SERPINB6: variants seen among roughly 807,000 people sequenced by gnomAD.
SERPINB6 encodes serpin B6.
Under a neutral mutation model 26.1 loss-of-function variants are expected in SERPINB6, and 16 were observed. The observed-to-expected ratio is 0.61, with a 90% CI of 0.42 to 0.93. The LOEUF (loss-of-function observed/expected upper bound fraction) is 0.93. SERPINB6 is among the 40% of genes least tolerant of loss of function. SERPINB6 has a pLI of 0.00. For missense variants in SERPINB6, 420 were observed against 478.0 expected (o/e 0.88, Z 1.13); for synonymous variants, 174 against 176.6 (o/e 0.99, Z 0.11).
chr6:2,952,372 T>C (rs1481654313), intron 5 of SERPINB6, among the ~76,000 whole-genome samples: 1 of 152,180 alleles, frequency 6.6e-6, no homozygotes. Context: ...TTGTCTATGT[T>C]CAAAAATTTC....
At chr6:2,965,717 A>G (rs934461283) in intron 1 of SERPINB6, among the ~76,000 whole-genome samples, 23 of 152,240 alleles carry the variant, frequency 1.5e-4, no homozygotes, top group Non-Finnish European at 3.2e-4. Context: ...CACAGATTTA[A>G]TTATTTTATC....
intron 5 of SERPINB6, among the ~76,000 whole-genome samples, chr6:2,952,487 TCA>T (rs1477854927): frequency 6.6e-5 from 10 of 152,276 alleles, no homozygotes; most frequent in African/African-American, 2.4e-4. Context: ...GTGGTTAATC[TCA>T]GTGTCTATCT....
At chr6:2,949,157 G>T in intron 5 of SERPINB6, 88 bp from the exon 6 acceptor site, 1 of 1,439,684 alleles carries the variant, frequency 6.9e-7, no homozygotes. Context: ...CTCTCTGCAG[G>T]GAGAAACGCA....
chr6:2,955,492 T>G (rs763199312), intron 3 of SERPINB6, 32 bp downstream of exon 3: 4 of 1,614,036 alleles, frequency 2.5e-6, no homozygotes, highest in Non-Finnish European at 3.4e-6. Flanking sequence ...CCACCTTTAT[T>G]TCTTTAGTGA....
intron 5 of SERPINB6, among the ~76,000 whole-genome samples, chr6:2,950,969 T>C (rs1421956076): frequency 6.6e-6 from 1 of 152,260 alleles, no homozygotes. Flanking sequence ...ACTCATTTCC[T>C]TGGCCAGCAG....
rs1770451501 is a variant in SERPINB6 at position 2,956,146 on chromosome 6, G to GC, written c.166-477dup. 4 of 166,514 alleles carry GC rather than the reference G, an allele frequency of 2.4e-5. No homozygotes were observed. In the South Asian group the frequency reaches 6.1e-4, roughly 25 times the overall value. The allele number at this position is 166,514 out of a possible 1,614,324, so 10.3% of individuals were successfully genotyped here. ...AAGCCCCTCCCTGTACCCTGTCTGT[G>GC]CTGGCATGAGCTGCAACGCCCTCCA... On this transcript the variant is annotated intron_variant, in intron 2 of 6. Coordinates refer to ENST00000380539, the MANE Select transcript of SERPINB6 (RefSeq NM_004568.6).
intron 1 of SERPINB6, chr6:2,960,846 A>T (rs1443254171): frequency 1.3e-5 from 2 of 152,202 alleles, no homozygotes; most frequent in East Asian, 3.8e-4. Context: ...GAGATGGGAG[A>T]TTATCCTGGA....
At chr6:2,968,731 G>A in intron 1 of SERPINB6, 1 of 1,231,568 alleles carries the variant, frequency 8.1e-7, no homozygotes, top group Non-Finnish European at 1.0e-6. Flanking sequence ...TTGGATGTCA[G>A]TACATAGTTA....
intron 1 of SERPINB6, chr6:2,969,589 A>C: frequency 1.0e-6 from 1 of 985,380 alleles, no homozygotes; most frequent in Non-Finnish European, 1.2e-6. Context: ...AGCAATGTTC[A>C]CAATTGATTT....
intron 5 of SERPINB6, 80 bp downstream of exon 5, chr6:2,952,964 C>T (rs1330979067): frequency 2.5e-6 from 4 of 1,596,722 alleles, no homozygotes; most frequent in Non-Finnish European, 3.4e-6. Context: ...AAAGGCCCCA[C>T]GGCTGCAGAC....
chr6:2,953,205 G>T lies in SERPINB6; in HGVS notation c.431-19C>A. On this transcript the variant is annotated intron_variant, in intron 4 of 6. Coordinates refer to ENST00000380539, the MANE Select transcript of SERPINB6 (RefSeq NM_004568.6). ...ATTTTACCTGAGCGGAAGAATTCAA[G>T]ACCGCATTAGATAGGGGCGGCTGCG... The T allele has an allele frequency of 6.2e-7, 1 of 1,614,112 alleles. No individual in the cohort carries two copies. Among genetic ancestry groups the T allele is most frequent in the Non-Finnish European group, 8.5e-7 (1 of 1,180,026 alleles).
rs1769453610 is a variant in SERPINB6, at chr6:2,948,993, T to A, written c.650A>T (p.Gln217Leu). ...KKTYIGEIFT[Q>L]ILVLPYVGKE... Reference sequence around the variant, plus strand: ...GCCAACATATGGAAGCACCAAGATTTGGGTAAATATTTCTCCTATATAGGT... The same window carrying A: ...GCCAACATATGGAAGCACCAAGATTAGGGTAAATATTTCTCCTATATAGGT... Residue 217 changes from glutamine (Q) to leucine (L), a missense_variant, in exon 6 of 7, where the codon CAA (glutamine) becomes CTA (leucine). Gln to Leu is a moderately radical substitution (Grantham distance 113). Coordinates refer to ENST00000380539, the MANE Select transcript of SERPINB6 (RefSeq NM_004568.6). The surrounding 1 kb of genome is among the most constrained non-coding windows in gnomAD (Gnocchi z 5.0). 6.2e-7 allele frequency: 1 copy of A among 1,614,132 alleles called. No homozygotes were observed. The highest frequency in any genetic ancestry group is 1.1e-5 in the South Asian group (1 of 91,096).
At chr6:2,951,892 C>T (rs574774064) in intron 5 of SERPINB6, among the ~76,000 whole-genome samples, 72 of 152,216 alleles carry the variant, frequency 4.7e-4, no homozygotes, top group Admixed American at 2.7e-3. Context: ...CCCCTCCCCT[C>T]CCTTGTTCCT....
chr6:2,971,095 C>A (rs1772114730), intron 1 of SERPINB6: 3 of 1,101,044 alleles, frequency 2.7e-6, no homozygotes, highest in East Asian at 5.1e-5. Flanking sequence ...GTCACCGAGG[C>A]CGCGGGGCCG....
intron 2 of SERPINB6, among the ~76,000 whole-genome samples, 166 bp downstream of exon 2, chr6:2,959,002 C>A (rs1386828144): frequency 6.6e-6 from 1 of 152,130 alleles, no homozygotes; most frequent in Admixed American, 6.5e-5. Flanking sequence ...AGGGTGTTGT[C>A]CCCAGGGTGC....
chr6:2,964,472 T>G (rs1412139107), intron 1 of SERPINB6, among the ~76,000 whole-genome samples: 1 of 152,154 alleles, frequency 6.6e-6, no homozygotes, highest in East Asian at 1.9e-4. Flanking sequence ...GGAAAAAAGG[T>G]AAGTGTAGGC....
intron 1 of SERPINB6, among the ~76,000 whole-genome samples, chr6:2,963,024 A>T (rs1026284343): frequency 4.6e-5 from 7 of 152,234 alleles, no homozygotes; most frequent in Non-Finnish European, 1.0e-4. Flanking sequence ...ACATAATGAG[A>T]AAGGAGATTG....
chr6:2,959,029 T>C, intron 2 of SERPINB6, 139 bp downstream of exon 2: 1 of 1,144,620 alleles, frequency 8.7e-7, no homozygotes, highest in Non-Finnish European at 1.3e-6. Context: ...ATGGGTGGCA[T>C]GCCCTTCCCT....
chr6:2,948,943 G>A lies in SERPINB6; in HGVS notation c.700C>T (p.Leu234Phe). 1.2e-6 allele frequency: 2 copies of A among 1,614,222 alleles called. No individual in the cohort carries two copies. Among genetic ancestry groups the A allele is most frequent in the South Asian group, 2.2e-5 (2 of 91,090 alleles). Residue 234 changes from leucine (L) to phenylalanine (F), a missense_variant, in exon 6 of 7, where the codon CTT (leucine) becomes TTT (phenylalanine). Physicochemically the swap from Leu to Phe is conservative, Grantham distance 22. Transcript: ENST00000380539. This position sits in a 1 kb window ranked among gnomAD's most constrained non-coding sequence, Gnocchi z 5.0. ...VGKELNMIIM[L>F]PDETTDLRTV... The stretch of plus-strand genomic sequence containing the variant: ...CTCAAGTCAGTGGTCTCGTCCGGAA[G>A]CATGATGATCATATTCAGTTCCTTG...
Sources: allele counts gnomAD v4.1 joint callset (sites outside exome capture counted in the v4.1 genomes callset), GRCh38; gene constraint gnomAD v4.1.1; non-coding constraint Gnocchi (gnomAD v3.1); transcripts MANE v1.5; gene names NCBI Gene and HGNC (gene_info 2026-07-23, HGNC 2026-07-21).